Variants in UGT3A1 observed in about 807,000 individuals in gnomAD.
UGT3A1 encodes the protein UDP-glycosyltransferase 3A1.
Under a neutral mutation model 37.6 loss-of-function variants are expected in UGT3A1, and 40 were observed. That is an observed-to-expected ratio of 1.06 (90% CI 0.83 to 1.38). The LOEUF (loss-of-function observed/expected upper bound fraction) is 1.38, where lower values mean the gene tolerates loss of function less well. UGT3A1 is among the 40% of genes most tolerant of loss of function. UGT3A1 has a pLI of 0.00. For missense variants in UGT3A1, 642 were observed against 634.2 expected, an observed-to-expected ratio of 1.01 and a Z score of -0.13; for synonymous variants, 256 against 232.3, an observed-to-expected ratio of 1.10 and a Z score of -0.93.
At chr5:35,954,517 C>A (rs372436267) in intron 6 of UGT3A1, 39 bp from the exon 7 acceptor site, 2 of 1,601,422 alleles carry the variant, frequency 1.2e-6, no homozygotes, top group Non-Finnish European at 1.7e-6. Context: ...ACTGACGTAG[C>A]CTCACAAGTC....
intron 6 of UGT3A1, 104 bp from the exon 7 acceptor site, chr5:35,954,582 C>A: frequency 7.2e-7 from 1 of 1,392,766 alleles, no homozygotes; most frequent in Non-Finnish European, 9.7e-7. Context: ...ACTTTTCTAA[C>A]ACATGCACCA....
chr5:35,970,336 G>C (rs1216917265), intron 2 of UGT3A1, among the ~76,000 whole-genome samples: 6 of 151,488 alleles, frequency 4.0e-5, no homozygotes, highest in Non-Finnish European at 8.8e-5. Context: ...AGGTTGCAGT[G>C]AGCTGAGATA....
chr5:35,990,937 G>T, intron 1 of UGT3A1: 1 of 1,439,480 alleles, frequency 6.9e-7, no homozygotes, highest in Non-Finnish European at 9.1e-7. Context: ...AAAGGAGAGT[G>T]TCTTTTCTCA....
chr5:35,958,553 A>C (rs1312878152), intron 4 of UGT3A1, among the ~76,000 whole-genome samples: 1 of 152,244 alleles, frequency 6.6e-6, no homozygotes, highest in African/African-American at 2.4e-5. Flanking sequence ...CAATAATGTT[A>C]ATCAGCAGCC....
At chr5:35,995,876 T>C (rs1741082420), upstream of UGT3A1, among the ~76,000 whole-genome samples, 2 of 152,096 alleles carry the variant, frequency 1.3e-5, no homozygotes, top group South Asian at 4.1e-4. Flanking sequence ...TTGAAAACAA[T>C]AAAAAATAAT....
chr5:35,983,231 A>G (rs1740600041), intron 2 of UGT3A1, among the ~76,000 whole-genome samples: 1 of 152,236 alleles, frequency 6.6e-6, no homozygotes, highest in African/African-American at 2.4e-5. Flanking sequence ...GAGACCACAG[A>G]AATACAAAGA....
chr5:35,981,027 G>A (rs1353728203), intron 2 of UGT3A1, among the ~76,000 whole-genome samples: 1 of 152,190 alleles, frequency 6.6e-6, no homozygotes, highest in Non-Finnish European at 1.5e-5. Context: ...GTCAGGAGAA[G>A]AAAATCACTG....
chr5:35,955,361 A>T (rs1392729218), intron 6 of UGT3A1: 1 of 572,936 alleles, frequency 1.7e-6, no homozygotes, highest in South Asian at 2.4e-5. Flanking sequence ...TTCAGTTGGA[A>T]TTCCACTAGA....
chr5:35,989,417 G>C (rs1221339653), intron 1 of UGT3A1, among the ~76,000 whole-genome samples: 2 of 152,346 alleles, frequency 1.3e-5, no homozygotes, highest in Non-Finnish European at 2.9e-5. Flanking sequence ...GATCAGAAGA[G>C]AAATTAATGG....
At chr5:35,960,515 G>T (rs982914244) in intron 4 of UGT3A1, among the ~76,000 whole-genome samples, 20 of 152,328 alleles carry the variant, frequency 1.3e-4, no homozygotes, top group African/African-American at 4.3e-4. Flanking sequence ...ACAGAAGGGG[G>T]AGCATGCAGA....
chr5:35,984,261 A>G (rs1242225180), intron 2 of UGT3A1, among the ~76,000 whole-genome samples: 1 of 152,218 alleles, frequency 6.6e-6, no homozygotes, highest in East Asian at 1.9e-4. Flanking sequence ...CCAACAGCAA[A>G]CAACCTGAAA....
chr5:35,955,527 C>T (rs1739317651), intron 6 of UGT3A1, 118 bp downstream of exon 6: 6 of 1,177,096 alleles, frequency 5.1e-6, no homozygotes, highest in Non-Finnish European at 1.2e-6. Flanking sequence ...GCATCACACA[C>T]ATGTTATTCC....
chr5:35,967,874 T>C (rs1561461348), intron 3 of UGT3A1, 145 bp downstream of exon 3: 8 of 666,360 alleles, frequency 1.2e-5, no homozygotes, highest in Middle Eastern at 3.0e-4. Context: ...TATCCATTCA[T>C]CCACTCACAC....
chr5:35,958,305 A>G (rs1028825614), intron 4 of UGT3A1, among the ~76,000 whole-genome samples: 1 of 152,204 alleles, frequency 6.6e-6, no homozygotes, highest in African/African-American at 2.4e-5. Context: ...CCTAAAACTT[A>G]GCTCTAGCAC....
chr5:35,957,907 G>T (rs945342884), intron 4 of UGT3A1, among the ~76,000 whole-genome samples: 33 of 152,160 alleles, frequency 2.2e-4, no homozygotes, highest in African/African-American at 8.0e-4. Context: ...TGGTGTTCAA[G>T]ATAACTCTTT....
intron 5 of UGT3A1, 60 bp from the exon 6 acceptor site, chr5:35,955,924 T>C (rs768621): frequency 0.42 from 653,084 of 1,556,462 alleles, 140,610 homozygotes; most frequent in Middle Eastern, 0.45. Flanking sequence ...GAATACCAGG[T>C]AAAGCAGAAA....
At chr5:35,966,415 G>T (rs990783871) in intron 3 of UGT3A1, among the ~76,000 whole-genome samples, 1 of 152,128 alleles carries the variant, frequency 6.6e-6, no homozygotes, top group African/African-American at 2.4e-5. Flanking sequence ...TGAACTTTTT[G>T]ATGACAATAT....
chr5:35,967,232 A>G (rs1739844305), intron 3 of UGT3A1, among the ~76,000 whole-genome samples: 1 of 152,236 alleles, frequency 6.6e-6, no homozygotes, highest in Admixed American at 6.5e-5. Context: ...TGCCAGACCT[A>G]TGGAGGAGAG....
Position 35,989,194 on chromosome 5 carries a change from A to T in UGT3A1, c.95-643T>A, listed in dbSNP as rs901477953. On this transcript the variant is annotated intron_variant, in intron 1 of 6. Coordinates refer to ENST00000274278, the MANE Select transcript of UGT3A1 (RefSeq NM_152404.4). ...CAACTTATAATTAAGATATTTGAGG[A>T]CAACTGTGGAGCCCTTGGGGTGGGC... Among the ~76,000 whole-genome samples the T allele has an allele frequency of 9.8e-5, 15 of 152,348 alleles. No individual in the cohort carries two copies. The East Asian group carries it at 2.7e-3, about 27-fold the overall frequency.
Sources: allele counts gnomAD v4.1 joint callset (sites outside exome capture counted in the v4.1 genomes callset), GRCh38; gene constraint gnomAD v4.1.1; transcripts MANE v1.5; gene names NCBI Gene and HGNC (gene_info 2026-07-23, HGNC 2026-07-21).